MYO1F: variants seen among roughly 807,000 people sequenced by gnomAD.
MYO1F encodes unconventional myosin-If.
In MYO1F, 60 loss-of-function variants were observed where a neutral mutation model predicts 146.6. That is an observed-to-expected ratio of 0.41 (90% confidence interval 0.33 to 0.51). The LOEUF is 0.51. Among genes scored for constraint, MYO1F ranks in the 20% least tolerant of loss-of-function variants. The probability of loss-of-function intolerance (pLI) is 0.25; values close to 1 mark genes in which losing one functional copy is unlikely to be tolerated. For synonymous variants in MYO1F, 602 were observed against 602.1 expected, an observed-to-expected ratio of 1.00 and a Z score of 0.00; for missense variants, 1,274 against 1,534.3, an observed-to-expected ratio of 0.83 and a Z score of 2.83.
At chr19:8,574,595 C>CTCTCTT (rs1555733066) in intron 1 of MYO1F, among the ~76,000 whole-genome samples, 120 of 105,708 alleles carry the variant, frequency 1.1e-3, no homozygotes, top group Middle Eastern at 4.3e-3. Flanking sequence ...CTCTCTCTCT[C>CTCTCTT]TCTTTCTTTC....
chr19:8,540,866 G>C (rs1972934246), intron 15 of MYO1F, among the ~76,000 whole-genome samples: 1 of 152,136 alleles, frequency 6.6e-6, no homozygotes, highest in African/African-American at 2.4e-5. Flanking sequence ...GGAGGCATGG[G>C]TGCATCCTGG....
intron 14 of MYO1F, among the ~76,000 whole-genome samples, chr19:8,542,321 A>G (rs1351653512): frequency 1.0e-5 from 1 of 95,676 alleles, no homozygotes; most frequent in African/African-American, 4.1e-5. Flanking sequence ...GGTGAAAGTT[A>G]TAGCTCAGAT....
At chr19:8,552,660 A>G (rs752683685) in intron 6 of MYO1F, among the ~76,000 whole-genome samples, 22 of 152,076 alleles carry the variant, frequency 1.4e-4, no homozygotes, top group Admixed American at 9.8e-4. Flanking sequence ...TTTATGGATG[A>G]GCAAACAGAG....
chr19:8,530,029 G>GA lies in MYO1F; in HGVS notation c.2328+166dup. ...TGGAACAGATGGATCTAGGCTGGGG[G>GA]ATCTATGCCTGTGGGCAGGTGCATA... On this transcript the variant is annotated intron_variant, in intron 21 of 27. Coordinates refer to ENST00000644032, the MANE Select transcript of MYO1F (RefSeq NM_012335.4). This position sits in a 1 kb window ranked among gnomAD's most constrained non-coding sequence, Gnocchi z 5.8. 1.1e-6 allele frequency: 1 copy of GA among 882,872 alleles called. No homozygotes were observed. Among genetic ancestry groups the GA allele is most frequent in the Non-Finnish European group, 1.8e-6 (1 of 544,222 alleles). 54.7% of individuals were successfully genotyped at this position (882,872 alleles called of 1,614,324 possible).
Position 8,521,064 on chromosome 19 carries a change from G to A in MYO1F, c.*464C>T. The A allele has an allele frequency of 6.9e-6, 2 of 289,032 alleles. No individual in the cohort carries two copies. Among genetic ancestry groups the A allele is most frequent in the South Asian group, 3.3e-5 (1 of 29,862 alleles). 17.9% of individuals were successfully genotyped at this position (289,032 alleles called of 1,614,324 possible). ...TCCTTCACAGCTCCTACCTCACAGG[G>A]CTGTGAAAACATCGTCCTTGTTGGG... On this transcript the variant is annotated 3_prime_UTR_variant, in exon 28 of 28. Coordinates refer to ENST00000644032, the MANE Select transcript of MYO1F (RefSeq NM_012335.4).
In MYO1F at chr19:8,571,947, T is replaced by G. The variant is rs555001565; in HGVS notation, c.3+5360A>C. On this transcript the variant is annotated intron_variant, in intron 1 of 27. Coordinates refer to ENST00000644032, the MANE Select transcript of MYO1F (RefSeq NM_012335.4). The stretch of plus-strand genomic sequence containing the variant: ...ACTGTGTTAGCCAGGATGGTCTCGA[T>G]CTCCTGACTTCGTGATCCGCACGCC... Among the ~76,000 whole-genome samples, 6 of 152,240 alleles carry G rather than the reference T, an allele frequency of 3.9e-5. No homozygotes were observed. The East Asian group carries it at 7.7e-4, about 20-fold the overall frequency.
At chr19:8,545,571 C>T (rs746722066) in intron 13 of MYO1F, 79 bp downstream of exon 13, 2 of 1,212,690 alleles carry the variant, frequency 1.6e-6, no homozygotes, top group Admixed American at 3.4e-5. Flanking sequence ...CCATAACACC[C>T]TTGGCCCTCC....
Position 8,522,777 on chromosome 19 carries a change from C to T in MYO1F, c.2907G>A (p.Leu969=), listed in dbSNP as rs1363551992. The T allele has an allele frequency of 1.2e-6, 2 of 1,604,696 alleles. No homozygotes were observed. The highest frequency in any genetic ancestry group is 1.7e-6 in the Non-Finnish European group (2 of 1,177,054). Residue 969 remains leucine (L), a synonymous_variant, in exon 26 of 28, where the codon CTG becomes CTA. Transcript: ENST00000644032. The part of the protein sequence containing the change: ...PPSARGGPLP[L]EIMSGGGTHR... ...GGGTGCCCCCTCCAGACATGATCTCCAGGGGCAGGGGGCCCCCTCTGGCAG... is the reference window on the plus strand; with the variant it reads ...GGGTGCCCCCTCCAGACATGATCTCTAGGGGCAGGGGGCCCCCTCTGGCAG...
intron 22 of MYO1F, 97 bp downstream of exon 22, chr19:8,527,241 A>G: frequency 1.3e-6 from 2 of 1,524,822 alleles, no homozygotes; most frequent in Non-Finnish European, 1.8e-6. Flanking sequence ...GCATGGCACC[A>G]GGTAAGATTG....
chr19:8,565,394 T>G (rs1236919702), intron 1 of MYO1F, among the ~76,000 whole-genome samples: 6 of 151,256 alleles, frequency 4.0e-5, no homozygotes, highest in African/African-American at 1.5e-4. Flanking sequence ...AGTACAACAT[T>G]AGCCAGGTGT....
At chr19:8,535,461 G>A (rs1181825764) in intron 19 of MYO1F, among the ~76,000 whole-genome samples, 2 of 151,818 alleles carry the variant, frequency 1.3e-5, no homozygotes, top group African/African-American at 4.8e-5. Context: ...GTAGAGACAG[G>A]GTCTCACTAT....
Position 8,577,183 on chromosome 19 carries a change from C to T in MYO1F, c.3+124G>A. ...CTGAGCTGCACTGAGAGACACCCCA[C>T]CCCCACAGAAGTCCACCATGCCCCT... On this transcript the variant is annotated intron_variant, in intron 1 of 27. Transcript: ENST00000644032. The surrounding 1 kb of genome is among the most constrained non-coding windows in gnomAD (Gnocchi z 4.3). The T allele has an allele frequency of 2.6e-6, 3 of 1,167,010 alleles. No individual in the cohort carries two copies. The highest frequency in any genetic ancestry group is 4.0e-5 in the Admixed American group (2 of 50,482). The allele number at this position is 1,167,010 out of a possible 1,614,324, so 72.3% of individuals were successfully genotyped here.
chr19:8,559,864 C>T (rs1055821102), intron 1 of MYO1F, among the ~76,000 whole-genome samples: 5 of 149,308 alleles, frequency 3.3e-5, no homozygotes, highest in East Asian at 2.0e-4. Context: ...GCAGGAGAAT[C>T]GCTAGAACCC....
At chr19:8,535,915 T>C (rs1972686714) in intron 19 of MYO1F, among the ~76,000 whole-genome samples, 1 of 151,926 alleles carries the variant, frequency 6.6e-6, no homozygotes, top group African/African-American at 2.4e-5. Context: ...TCTCCTGGCC[T>C]TGTGATCCGC....
intron 4 of MYO1F, among the ~76,000 whole-genome samples, chr19:8,553,689 A>G (rs1269721802): frequency 6.6e-6 from 1 of 152,014 alleles, no homozygotes; most frequent in African/African-American, 2.4e-5. Flanking sequence ...CCTGGCCAAC[A>G]TGGTGAAACC....
rs1199926848 is a variant in MYO1F, at chr19:8,522,677, G to A, written c.3007C>T (p.His1003Tyr). Reference protein sequence around the residue: ...RRPRARPPSEHNTEFLNVPDQ... With the variant: ...RRPRARPPSEYNTEFLNVPDQ... ...GGCACGTTGAGGAATTCTGTGTTGT[G>A]CTCTGAGGGCGGACGTGCCCGGGGT... The change falls in exon 26 of 28, where the codon CAC (histidine) becomes TAC (tyrosine). Residue 1003 changes from histidine (H) to tyrosine (Y), a missense_variant. Coordinates refer to ENST00000644032, the MANE Select transcript of MYO1F (RefSeq NM_012335.4). 4 of 1,613,860 alleles carry A rather than the reference G, an allele frequency of 2.5e-6. No individual in the cohort carries two copies. Among genetic ancestry groups the A allele is most frequent in the Non-Finnish European group, 3.4e-6 (4 of 1,180,006 alleles).
intron 12 of MYO1F, among the ~76,000 whole-genome samples, chr19:8,546,736 T>C (rs1973375019): frequency 6.6e-6 from 1 of 152,062 alleles, no homozygotes; most frequent in African/African-American, 2.4e-5. Context: ...TGGAGTGCAA[T>C]GGCACAATCT....
chr19:8,543,663 G>GTGC (rs1973083673), intron 14 of MYO1F, among the ~76,000 whole-genome samples: 1 of 69,956 alleles, frequency 1.4e-5, no homozygotes, highest in South Asian at 5.7e-4. Context: ...GCTGGTGGTG[G>GTGC]TGGTGGTGGT....
At chr19:8,524,681 A>G (rs1043267867) in intron 25 of MYO1F, among the ~76,000 whole-genome samples, 2 of 151,962 alleles carry the variant, frequency 1.3e-5, no homozygotes, top group Non-Finnish European at 2.9e-5. Context: ...GCCTTGGCCT[A>G]CCAAGAGTGC....
Sources: gnomAD v4.1 joint callset for allele counts (sites outside exome capture counted in the v4.1 genomes callset) on GRCh38, gnomAD v4.1.1 for gene constraint, Gnocchi (gnomAD v3.1) non-coding constraint, MANE v1.5 for transcripts, NCBI Gene and HGNC (gene_info 2026-07-23, HGNC 2026-07-21) for gene names.